INF2: variants seen among roughly 807,000 people sequenced by gnomAD.
The protein encoded by INF2 is inverted formin 2.
In INF2, 43 loss-of-function variants were observed where a neutral mutation model predicts 123.5. The ratio of observed to expected loss-of-function variants is 0.35; its 90% CI spans 0.27 to 0.45. INF2 has a LOEUF of 0.45. Ranked by LOEUF, INF2 falls within the 20% of genes least tolerant of loss-of-function variation. The pLI is 1.00. For synonymous variants in INF2, 851 were observed against 745.0 expected, an observed-to-expected ratio of 1.14 and a Z score of -2.32; for missense variants, 1,453 against 1,682.7, an observed-to-expected ratio of 0.86 and a Z score of 2.39.
Position 104,708,715 on chromosome 14 carries a change from C to T in INF2, c.1932C>T (p.Phe644=), listed in dbSNP as rs966287674. ...AGAAGAGCCTGAACCTCAACATCTT[C>T]CTGAAGCAATTTAAGTGGTGAGTGA... ...DAKKSLNLNI[F]LKQFKCSNEE... Residue 644 remains phenylalanine (F), a synonymous_variant, in exon 10 of 23, where the codon TTC becomes TTT. Transcript: ENST00000392634. 1.2e-6 allele frequency: 2 copies of T among 1,613,120 alleles called. No individual in the cohort carries two copies. The highest frequency in any genetic ancestry group is 1.7e-5 in the Admixed American group (1 of 60,030).
Position 104,719,978 on chromosome 14 carries a change from T to C in INF2, c.*1185T>C, listed in dbSNP as rs1890487965. 6.6e-6 allele frequency: 1 copy of C among 152,502 alleles called. No individual in the cohort carries two copies. Among genetic ancestry groups the C allele is most frequent in the Admixed American group, 6.5e-5 (1 of 15,292 alleles). The allele number at this position is 152,502 out of a possible 1,614,324, so 9.4% of individuals were successfully genotyped here. ...GTTATGTGTGTGCTGCGGTGGTGTT[T>C]GCTCTCCAGCAGATCAAGTTTGTGC... On this transcript the variant is annotated 3_prime_UTR_variant, in exon 23 of 23. Coordinates refer to ENST00000392634, the MANE Select transcript of INF2 (RefSeq NM_022489.4).
chr14:104,700,336 G>A (rs1251285621), intron 1 of INF2, among the ~76,000 whole-genome samples: 2 of 152,190 alleles, frequency 1.3e-5, no homozygotes. Context: ...GAGGTGGTGG[G>A]AAGCCGAGGG....
rs777850657 is a variant in INF2, at chr14:104,712,542, G to C, written c.2599G>C (p.Glu867Gln). The change falls in exon 17 of 23, where the codon GAG becomes CAG. Residue 867 changes from glutamate to glutamine, a missense_variant. Coordinates refer to ENST00000392634, the MANE Select transcript of INF2 (RefSeq NM_022489.4). ...SVAEVQEQYT[E>Q]RLQASISAFR... The stretch of plus-strand genomic sequence containing the variant: ...GGCCGAGGTCCAGGAGCAGTACACC[G>C]AGCGCCTCCAGGCAAGTGGGCACCT... The C allele has an allele frequency of 3.1e-6, 5 of 1,612,504 alleles. No homozygotes were observed. Among genetic ancestry groups the C allele is most frequent in the Non-Finnish European group, 4.2e-6 (5 of 1,179,814 alleles).
chr14:104,700,591 C>T (rs1471275731), intron 1 of INF2, among the ~76,000 whole-genome samples: 1 of 152,178 alleles, frequency 6.6e-6, no homozygotes, highest in Non-Finnish European at 1.5e-5. Flanking sequence ...GAGGTGCAAC[C>T]CGCCTGTCCT....
Position 104,714,779 on chromosome 14 carries a change from C to T in INF2, c.3617C>T (p.Thr1206Ile), listed in dbSNP as rs1266628897. 6.2e-7 allele frequency: 1 copy of T among 1,600,102 alleles called. No individual in the cohort carries two copies. The highest frequency in any genetic ancestry group is 1.1e-5 in the South Asian group (1 of 89,466). ...GTGACCGACTCCTCGGGGTCGGGCA[C>T]ACTCCCCAGGGCCCGGGGCCGGGCC... is the stretch of plus-strand genomic sequence containing the variant. ...DAVTDSSGSG[T>I]LPRARGRASK... The change falls in exon 21 of 23, where the codon ACA becomes ATA. Residue 1206 changes from threonine to isoleucine, a missense_variant. This residue lies in a region of INF2 where 344 missense variants were observed against 333.1 expected (regional missense o/e 1.03). Transcript: ENST00000392634.
chr14:104,702,970 TG>T, intron 2 of INF2, 134 bp from the exon 3 acceptor site: 1 of 736,798 alleles, frequency 1.4e-6, no homozygotes, highest in Non-Finnish European at 2.4e-6. Flanking sequence ...AGCCCACTGC[TG>T]TGGGCCACAG....
intron 2 of INF2, among the ~76,000 whole-genome samples, chr14:104,702,126 C>T (rs1197284052): frequency 6.6e-6 from 1 of 152,164 alleles, no homozygotes; most frequent in African/African-American, 2.4e-5. Context: ...GCGAATCCAC[C>T]CGAGTGGCTC....
upstream of INF2, among the ~76,000 whole-genome samples, chr14:104,689,075 G>C (rs1888790427): frequency 6.6e-6 from 1 of 152,234 alleles, no homozygotes; most frequent in Non-Finnish European, 1.5e-5. Flanking sequence ...ATCAAGGGTG[G>C]AAGGGGGTCA....
chr14:104,710,467 C>T (rs529147420), intron 13 of INF2, among the ~76,000 whole-genome samples: 18 of 151,930 alleles, frequency 1.2e-4, no homozygotes, highest in African/African-American at 3.6e-4. Flanking sequence ...ACAAGCACAC[C>T]GCCACTCAGG....
At chr14:104,692,084 G>A (rs1331536144) in intron 1 of INF2, among the ~76,000 whole-genome samples, 3 of 152,018 alleles carry the variant, frequency 2.0e-5, no homozygotes, top group African/African-American at 7.2e-5. Context: ...GTCAGTCCCC[G>A]AGGGCCAGCC....
intron 1 of INF2, among the ~76,000 whole-genome samples, chr14:104,683,453 G>C (rs187906274): frequency 1.3e-5 from 2 of 152,126 alleles, no homozygotes; most frequent in African/African-American, 2.4e-5. Context: ...CCCTGGAGCC[G>C]TGGGGCAGGG....
intron 15 of INF2, 94 bp downstream of exon 15, chr14:104,711,280 C>T (rs1301358779): frequency 9.2e-7 from 1 of 1,082,284 alleles, no homozygotes; most frequent in Non-Finnish European, 1.4e-6. Flanking sequence ...ATGCCCACCA[C>T]TCAGGCCGCC....
chr14:104,683,918 A>C (rs1387557752), intron 1 of INF2: 3 of 394,568 alleles, frequency 7.6e-6, no homozygotes, highest in Non-Finnish European at 1.5e-5. Context: ...ACACGCAGGC[A>C]GACTATGGGT....
At position 104,719,072 on chromosome 14, in the gene INF2, G is replaced by T. The variant is rs565657853; in HGVS notation, c.*279G>T. ...CTAAAGGCAACCCTGGCCCACACCC[G>T]CATGCGCCCGGTGCAGCCTGCCAAG... On this transcript the variant is annotated 3_prime_UTR_variant, in exon 23 of 23. Transcript: ENST00000392634. 5.0e-5 allele frequency: 31 copies of T among 625,644 alleles called. No individual in the cohort carries two copies. Among genetic ancestry groups the T allele is most frequent in the Non-Finnish European group, 1.5e-5 (6 of 389,290 alleles). The allele number at this position is 625,644 out of a possible 1,614,324, so 38.8% of individuals were successfully genotyped here. A position where few individuals can be genotyped will look rare whatever the true frequency, so the allele number is the denominator to read the frequency against.
intron 1 of INF2, among the ~76,000 whole-genome samples, chr14:104,695,321 T>C (rs1889133490): frequency 3.9e-5 from 6 of 152,026 alleles, no homozygotes; most frequent in Admixed American, 3.3e-4. Context: ...CGTCCCCCCA[T>C]GCCTCTCCCT....
intron 1 of INF2, among the ~76,000 whole-genome samples, chr14:104,692,900 G>A (rs1889021677): frequency 1.3e-5 from 2 of 152,164 alleles, no homozygotes; most frequent in African/African-American, 4.8e-5. Flanking sequence ...AGTCCTGAGA[G>A]AAGGGCCAGC....
chr14:104,702,204 C>T (rs1225905664), intron 2 of INF2, among the ~76,000 whole-genome samples: 1 of 152,138 alleles, frequency 6.6e-6, no homozygotes, highest in Non-Finnish European at 1.5e-5. Context: ...AGGTCTGGCC[C>T]ACACCTACTG....
In INF2 at chr14:104,709,271, C is replaced by T. The variant is rs199987321; in HGVS notation, c.1950-10C>T. ...TCACTCACCCCTGCCCGGTCCTCTCCCTGCTCCAGCTCCAACGAGGAGGTC... is the reference window on the plus strand; with the variant it reads ...TCACTCACCCCTGCCCGGTCCTCTCTCTGCTCCAGCTCCAACGAGGAGGTC... On this transcript the variant is annotated splice_polypyrimidine_tract_variant and intron_variant, in intron 10 of 22. Coordinates refer to ENST00000392634, the MANE Select transcript of INF2 (RefSeq NM_022489.4). 1.4e-3 allele frequency: 2,201 copies of T among 1,609,682 alleles called. 1 individual carries two copies. The highest frequency in any genetic ancestry group is 1.7e-3 in the Non-Finnish European group (2,041 of 1,177,600).
At chr14:104,696,448 A>C (rs1220181635) in intron 1 of INF2, among the ~76,000 whole-genome samples, 3 of 152,208 alleles carry the variant, frequency 2.0e-5, no homozygotes, top group African/African-American at 7.2e-5. Flanking sequence ...CCCCCTGTGC[A>C]CAGACCCTCC....
Sources: gnomAD v4.1 joint callset for allele counts (sites outside exome capture counted in the v4.1 genomes callset) on GRCh38, gnomAD v4.1.1 for gene constraint, gnomAD v4.1.1 regional missense constraint, MANE v1.5 for transcripts, NCBI Gene and HGNC (gene_info 2026-07-23, HGNC 2026-07-21) for gene names.